The following KCNN3 variants were observed in gnomAD, a reference collection of about 807,000 sequenced individuals.
KCNN3 encodes the protein potassium calcium-activated channel subfamily N member 3, also known as small conductance calcium-activated potassium channel protein 3.
KCNN3 carries 16 observed loss-of-function variants against 62.9 expected under a neutral mutation model. That is an observed-to-expected ratio of 0.25 (90% CI 0.17 to 0.39). The LOEUF is 0.39. Ranked by LOEUF, KCNN3 falls within the 10% of genes least tolerant of loss-of-function variation. KCNN3 has a pLI of 1.00. For synonymous variants in KCNN3, 370 were observed against 389.2 expected (o/e 0.95, Z 0.58); for missense variants, 599 against 949.4 (o/e 0.63, Z 4.85).
Position 154,705,105 on chromosome 1 carries a change from TC to T in KCNN3, c.*2870del, listed in dbSNP as rs1198089077. 4 of 152,198 alleles carry T rather than the reference TC, an allele frequency of 2.6e-5. No homozygotes were observed. Among genetic ancestry groups the T allele is most frequent in the African/African-American group, 9.6e-5 (4 of 41,510 alleles). The allele number at this position is 152,198 out of a possible 1,614,324, so 9.4% of individuals were successfully genotyped here. A position where few individuals can be genotyped will look rare whatever the true frequency, so the allele number is the denominator to read the frequency against. On this transcript the variant is annotated 3_prime_UTR_variant, in exon 8 of 8. Coordinates refer to ENST00000271915, the MANE Select transcript of KCNN3 (RefSeq NM_002249.6). ...AGATTCTTGAGCAGATAATTAAACCTCCTCCACCACAAAACTTGAAAATAAG... is the reference window on the plus strand; with the variant it reads ...AGATTCTTGAGCAGATAATTAAACCTCTCCACCACAAAACTTGAAAATAAG...
chr1:154,774,654 C>T (rs1295197702), intron 2 of KCNN3, among the ~76,000 whole-genome samples: 1 of 152,248 alleles, frequency 6.6e-6, no homozygotes, highest in African/African-American at 2.4e-5. Flanking sequence ...TGGCTGTTGC[C>T]TGTCCCAGCT....
intron 1 of KCNN3, among the ~76,000 whole-genome samples, chr1:154,855,910 G>A (rs1377696206): frequency 1.3e-5 from 2 of 152,184 alleles, no homozygotes; most frequent in African/African-American, 2.4e-5. Context: ...AACTGAGGCA[G>A]CTTAGCTGAG....
chr1:154,842,636 CCCCG>C (rs1461592599), intron 1 of KCNN3, among the ~76,000 whole-genome samples: 339 of 14,678 alleles, frequency 0.023, 8 homozygotes, highest in Admixed American at 0.091. Context: ...GGGACCCCCC[CCCCG>C]CCACCACCTC....
intron 2 of KCNN3, among the ~76,000 whole-genome samples, chr1:154,814,555 G>A (rs940333052): frequency 6.6e-6 from 1 of 152,222 alleles, no homozygotes; most frequent in Non-Finnish European, 1.5e-5. Context: ...TCCTGGAGGA[G>A]GAAATATCTA....
intron 2 of KCNN3, among the ~76,000 whole-genome samples, chr1:154,816,599 C>G (rs1318256540): frequency 6.6e-6 from 1 of 152,124 alleles, no homozygotes; most frequent in African/African-American, 2.4e-5. Flanking sequence ...TTATTCCATG[C>G]CTGGGGCTCT....
At chr1:154,813,375 T>C (rs1650515059) in intron 2 of KCNN3, among the ~76,000 whole-genome samples, 3 of 152,086 alleles carry the variant, frequency 2.0e-5, no homozygotes, top group Admixed American at 6.5e-5. Flanking sequence ...GTTTCCAAGG[T>C]AACACATAGC....
chr1:154,769,029 G>A (rs936084576), intron 3 of KCNN3, among the ~76,000 whole-genome samples: 1 of 152,002 alleles, frequency 6.6e-6, no homozygotes, highest in African/African-American at 2.4e-5. Context: ...TTGGCTCCAC[G>A]CTTATTATTA....
chr1:154,717,144 C>T (rs529527756), intron 5 of KCNN3, among the ~76,000 whole-genome samples: 2 of 152,276 alleles, frequency 1.3e-5, no homozygotes, highest in South Asian at 4.1e-4. Flanking sequence ...CAGGTGCAGC[C>T]ACAGGTCTGA....
intron 1 of KCNN3, among the ~76,000 whole-genome samples, chr1:154,823,076 G>C (rs540237929): frequency 2.4e-4 from 36 of 152,188 alleles, no homozygotes; most frequent in Non-Finnish European, 4.7e-4. Flanking sequence ...GAAAATAAAG[G>C]AGTTAATGTA....
intron 2 of KCNN3, among the ~76,000 whole-genome samples, chr1:154,805,455 A>G (rs1435085642): frequency 6.6e-6 from 1 of 152,216 alleles, no homozygotes; most frequent in Non-Finnish European, 1.5e-5. Context: ...GGGCAATTAC[A>G]AACTACTTTT....
chr1:154,736,245 T>G (rs913814870), intron 3 of KCNN3, among the ~76,000 whole-genome samples: 2 of 152,236 alleles, frequency 1.3e-5, no homozygotes, highest in Non-Finnish European at 2.9e-5. Flanking sequence ...GTGACCCAAA[T>G]TAAGTGCTCA....
chr1:154,735,442 A>C (rs1170989214), intron 3 of KCNN3, among the ~76,000 whole-genome samples: 2 of 152,030 alleles, frequency 1.3e-5, no homozygotes, highest in Non-Finnish European at 2.9e-5. Context: ...CCCTCCCCAA[A>C]GCTCTGCTAA....
At chr1:154,754,878 CACAA>C (rs1014293026) in intron 3 of KCNN3, among the ~76,000 whole-genome samples, 3 of 152,102 alleles carry the variant, frequency 2.0e-5, no homozygotes, top group African/African-American at 4.8e-5. Flanking sequence ...AAAAAGAAGA[CACAA>C]ACAGAGAAGC....
chr1:154,750,975 G>A (rs1647349995), intron 3 of KCNN3, among the ~76,000 whole-genome samples: 1 of 152,184 alleles, frequency 6.6e-6, no homozygotes, highest in Admixed American at 6.5e-5. Context: ...ACTGAGTCTT[G>A]GGGCTCCCTC....
intron 2 of KCNN3, among the ~76,000 whole-genome samples, chr1:154,786,432 A>G (rs186841751): frequency 1.3e-5 from 2 of 152,354 alleles, no homozygotes; most frequent in African/African-American, 2.4e-5. Flanking sequence ...TGAATATATT[A>G]TGGTACTCAT....
At chr1:154,727,075 C>A (rs1700484665) in intron 4 of KCNN3, among the ~76,000 whole-genome samples, 1 of 152,212 alleles carries the variant, frequency 6.6e-6, no homozygotes, top group Non-Finnish European at 1.5e-5. Context: ...CTCACTACTC[C>A]CCTGGCTCTT....
chr1:154,855,233 A>G (rs1433749544), intron 1 of KCNN3, among the ~76,000 whole-genome samples: 1 of 151,856 alleles, frequency 6.6e-6, no homozygotes, highest in African/African-American at 2.4e-5. Context: ...AAATAAATAA[A>G]TAAATAAATA....
chr1:154,808,455 A>T (rs1054413507), intron 2 of KCNN3, among the ~76,000 whole-genome samples: 2 of 150,896 alleles, frequency 1.3e-5, no homozygotes, highest in African/African-American at 2.4e-5. Flanking sequence ...CCTCATTCCC[A>T]TCTAGGTGGA....
At chr1:154,795,538 G>A (rs189495109) in intron 2 of KCNN3, among the ~76,000 whole-genome samples, 5 of 152,326 alleles carry the variant, frequency 3.3e-5, no homozygotes, top group Admixed American at 2.6e-4. Context: ...CCACCCTTCT[G>A]TCAGATGCTG....
Sources: gnomAD v4.1 joint callset for allele counts (sites outside exome capture counted in the v4.1 genomes callset) on GRCh38, gnomAD v4.1.1 for gene constraint, MANE v1.5 for transcripts, NCBI Gene and HGNC (gene_info 2026-07-23, HGNC 2026-07-21) for gene names.